The following FCGR3A variants were observed in gnomAD, a reference collection of about 807,000 sequenced individuals.
FCGR3A encodes low affinity immunoglobulin gamma Fc region receptor III-A.
In FCGR3A, 13 loss-of-function variants were observed where a neutral mutation model predicts 24.1. The ratio of observed to expected loss-of-function variants is 0.54; its 90% CI spans 0.35 to 0.86. FCGR3A has a LOEUF of 0.86. FCGR3A is among the 40% of genes least tolerant of loss of function. The pLI is 0.01. For synonymous variants in FCGR3A, 93 were observed against 112.2 expected (o/e 0.83, Z 1.08); for missense variants, 235 against 298.0 (o/e 0.79, Z 1.56).
intron 1 of FCGR3A, among the ~76,000 whole-genome samples, chr1:161,549,434 G>A (rs953840541): frequency 5.3e-5 from 8 of 152,042 alleles, no homozygotes; most frequent in African/African-American, 1.2e-4. Context: ...CCATCTAGTC[G>A]AAGCTCTTTG....
Position 161,548,479 on chromosome 1 carries a change from G to A in FCGR3A, c.261C>T (p.Tyr87=), listed in dbSNP as rs2102532423. 1.2e-6 allele frequency: 2 copies of A among 1,614,008 alleles called. No individual in the cohort carries two copies. Among genetic ancestry groups the A allele is most frequent in the Non-Finnish European group, 1.7e-6 (2 of 1,179,850 alleles). The change falls in exon 3 of 5, where the codon TAC becomes TAT. Residue 87 remains tyrosine, a synonymous_variant. Transcript: ENST00000443193. ...GGGTGGAGAGGTTTGTCTGGCACCT[G>A]TACTCTCCACTGTCGTCGACTGTGG... The part of the protein sequence containing the change: ...DAATVDDSGE[Y]RCQTNLSTLS...
At chr1:161,546,761 C>T (rs576154712) in intron 3 of FCGR3A, among the ~76,000 whole-genome samples, 75 of 151,816 alleles carry the variant, frequency 4.9e-4, no homozygotes, top group Non-Finnish European at 9.6e-4. Flanking sequence ...AAAAATTAGC[C>T]GGGCGTGGTG....
Position 161,548,467 on chromosome 1 carries a change from T to C in FCGR3A, c.273A>G (p.Thr91=), listed in dbSNP as rs1352798490. 4 of 1,613,898 alleles carry C rather than the reference T, an allele frequency of 2.5e-6. No homozygotes were observed. Among genetic ancestry groups the C allele is most frequent in the Non-Finnish European group, 3.4e-6 (4 of 1,179,862 alleles). Residue 91 remains threonine (T), a synonymous_variant, in exon 3 of 5, where the codon ACA becomes ACG. Coordinates refer to ENST00000443193, the MANE Select transcript of FCGR3A (RefSeq NM_000569.8). The part of the protein sequence containing the change: ...VDDSGEYRCQ[T]NLSTLSDPVQ... ...CCGGGTCACTGAGGGTGGAGAGGTT[T>C]GTCTGGCACCTGTACTCTCCACTGT... is the stretch of plus-strand genomic sequence containing the variant.
intron 4 of FCGR3A, 80 bp downstream of exon 4, chr1:161,544,621 C>A: frequency 2.0e-6 from 3 of 1,529,958 alleles, no homozygotes; most frequent in Non-Finnish European, 2.7e-6. Context: ...CAGGAATCTC[C>A]TCCCAACTCA....
At chr1:161,550,525 C>G (rs1261114898), upstream of FCGR3A, 1 of 153,188 alleles carries the variant, frequency 6.5e-6, no homozygotes, top group African/African-American at 2.4e-5. Context: ...GACAGGAACT[C>G]TTTACCTTCC....
At chr1:161,545,778 T>A (rs1677362776) in intron 3 of FCGR3A, 1 of 152,026 alleles carries the variant, frequency 6.6e-6, no homozygotes, top group Non-Finnish European at 1.5e-5. Context: ...GGAAAGGGCC[T>A]GAATAATTAA....
chr1:161,543,249 A>G, intron 4 of FCGR3A, 50 bp from the exon 5 acceptor site: 1 of 1,587,776 alleles, frequency 6.3e-7, no homozygotes, highest in Non-Finnish European at 8.6e-7. Flanking sequence ...ACTAAGGCAG[A>G]TATTTGGAAC....
At chr1:161,544,598 T>A (rs1677292020) in intron 4 of FCGR3A, 103 bp downstream of exon 4, 2 of 1,319,386 alleles carry the variant, frequency 1.5e-6, no homozygotes, top group African/African-American at 3.0e-5. Context: ...TATGAAGAAG[T>A]GCGTGTAAGA....
chr1:161,546,142 G>A (rs1677383868), intron 3 of FCGR3A, among the ~76,000 whole-genome samples: 1 of 152,058 alleles, frequency 6.6e-6, no homozygotes, highest in Non-Finnish European at 1.5e-5. Flanking sequence ...GGTAGGACGT[G>A]TGTTGGTCAT....
upstream of FCGR3A, chr1:161,550,029 T>G (rs373969655): frequency 1.2e-4 from 77 of 652,728 alleles, 2 homozygotes; most frequent in Middle Eastern, 3.3e-3. Flanking sequence ...ACACAGAATC[T>G]GCCAGAGTGT....
intron 3 of FCGR3A, 112 bp downstream of exon 3, chr1:161,548,309 C>G: frequency 6.5e-7 from 1 of 1,549,490 alleles, no homozygotes; most frequent in East Asian, 2.3e-5. Flanking sequence ...CACACATCAT[C>G]TCATCTTAGC....
rs114559215 is a variant in FCGR3A, at chr1:161,542,870, C to G, written c.*142G>C. 2,051 of 653,350 alleles carry G rather than the reference C, an allele frequency of 3.1e-3. 34 individuals carry two copies. In the African/African-American group the frequency reaches 0.032, roughly 10 times the overall value. The allele number at this position is 653,350 out of a possible 1,614,324, so 40.5% of individuals were successfully genotyped here. ...CTTCCACTGGAGACCAAGGAAAAGT[C>G]GAGAGTTGGATAAGGGATCTGGCTC... On this transcript the variant is annotated 3_prime_UTR_variant, in exon 5 of 5. Coordinates refer to ENST00000443193, the MANE Select transcript of FCGR3A (RefSeq NM_000569.8).
In FCGR3A at chr1:161,549,681, G is replaced by T; in HGVS notation, c.40+16C>A. 6.2e-7 allele frequency: 1 copy of T among 1,613,450 alleles called. No individual in the cohort carries two copies. Among genetic ancestry groups the T allele is most frequent in the Non-Finnish European group, 8.5e-7 (1 of 1,179,710 alleles). ...CATCTCAAACTTCTCCCTCAACCAG[G>T]GAGACCCTGACTTACCTAGAAGTAG... On this transcript the variant is annotated intron_variant, in intron 1 of 4. Coordinates refer to ENST00000443193, the MANE Select transcript of FCGR3A (RefSeq NM_000569.8).
chr1:161,549,997 G>A, upstream of FCGR3A: 1 of 800,012 alleles, frequency 1.2e-6, no homozygotes. Flanking sequence ...TCAAAGGTCT[G>A]TGGCTGAGCA....
At chr1:161,545,171 A>G (rs1043300346) in intron 3 of FCGR3A, among the ~76,000 whole-genome samples, 1 of 152,138 alleles carries the variant, frequency 6.6e-6, no homozygotes, top group Non-Finnish European at 1.5e-5. Flanking sequence ...AGGGACACAC[A>G]CACATGTGAT....
rs1399586694 is a variant in FCGR3A, at chr1:161,548,506, A to G, written c.234T>C (p.Ala78=). 1 of 1,614,036 alleles carries G rather than the reference A, an allele frequency of 6.2e-7. No homozygotes were observed. The highest frequency in any genetic ancestry group is 8.5e-7 in the Non-Finnish European group (1 of 1,179,876). ...SSQASSYFID[A]ATVDDSGEYR... is the part of the protein sequence containing the mutation. The stretch of plus-strand genomic sequence containing the variant: ...ACTCTCCACTGTCGTCGACTGTGGC[A>G]GCGTCAATGAAGTAGCTCGAGGCCT... Residue 78 remains alanine, a synonymous_variant, in exon 3 of 5, where the codon GCT becomes GCC. Coordinates refer to ENST00000443193, the MANE Select transcript of FCGR3A (RefSeq NM_000569.8).
upstream of FCGR3A, chr1:161,550,092 A>T (rs1358240773): frequency 1.7e-6 from 1 of 577,640 alleles, no homozygotes; most frequent in Non-Finnish European, 3.1e-6. Context: ...GGATCCACCC[A>T]GCACCAAGAA....
At chr1:161,549,298 G>A (rs559120415) in intron 1 of FCGR3A, among the ~76,000 whole-genome samples, 1 of 151,914 alleles carries the variant, frequency 6.6e-6, no homozygotes, top group African/African-American at 2.4e-5. Context: ...TAAGGGTACA[G>A]GTTGAATTTC....
intron 4 of FCGR3A, among the ~76,000 whole-genome samples, chr1:161,544,378 G>A (rs1412967644): frequency 2.0e-5 from 3 of 151,884 alleles, no homozygotes; most frequent in South Asian, 2.1e-4. Flanking sequence ...CAGCACGATA[G>A]GAACATATGA....
Sources: gnomAD v4.1 joint callset for allele counts (sites outside exome capture counted in the v4.1 genomes callset) on GRCh38, gnomAD v4.1.1 for gene constraint, MANE v1.5 for transcripts, NCBI Gene and HGNC (gene_info 2026-07-23, HGNC 2026-07-21) for gene names.